ZC3H4: variants seen among roughly 807,000 people sequenced by gnomAD.
ZC3H4 encodes the protein zinc finger CCCH-type containing 4.
In ZC3H4, 13 loss-of-function variants were observed where a neutral mutation model predicts 108.3. The ratio of observed to expected loss-of-function variants is 0.12; its 90% CI spans 0.08 to 0.19. ZC3H4 has a LOEUF of 0.19. Among genes scored for constraint, ZC3H4 ranks in the 10% least tolerant of loss-of-function variants. The probability of loss-of-function intolerance (pLI) is 1.00; values close to 1 mark genes in which losing one functional copy is unlikely to be tolerated. For missense variants in ZC3H4, 1,734 were observed against 1,838.8 expected (o/e 0.94, Z 1.04); for synonymous variants, 917 against 749.6 (o/e 1.22, Z -3.65).
chr19:47,099,129 C>A (rs1192529085), intron 2 of ZC3H4, among the ~76,000 whole-genome samples: 1 of 152,188 alleles, frequency 6.6e-6, no homozygotes, highest in Admixed American at 6.6e-5. Flanking sequence ...CCCTAACTGG[C>A]TGGAATGCTA....
Position 47,067,959 on chromosome 19 carries a change from C to T in ZC3H4, c.2399-90G>A, listed in dbSNP as rs2057249463. 2 of 1,291,996 alleles carry T rather than the reference C, an allele frequency of 1.5e-6. No individual in the cohort carries two copies. The highest frequency in any genetic ancestry group is 1.1e-6 in the Non-Finnish European group (1 of 933,352). 80.0% of individuals were successfully genotyped at this position (1,291,996 alleles called of 1,614,324 possible). On this transcript the variant is annotated intron_variant, in intron 14 of 14. Coordinates refer to ENST00000253048, the MANE Select transcript of ZC3H4 (RefSeq NM_015168.2). This position sits in a 1 kb window ranked among gnomAD's most constrained non-coding sequence, Gnocchi z 6.4. Reference sequence around the variant, plus strand: ...CCACAGCAGCCCACCGTGAGCAGCTCCTTTGCTTGTGCCTCTCAGAACCTC... The same window carrying T: ...CCACAGCAGCCCACCGTGAGCAGCTTCTTTGCTTGTGCCTCTCAGAACCTC...
chr19:47,106,024 CCT>C (rs2057963952), intron 2 of ZC3H4, among the ~76,000 whole-genome samples: 1 of 152,190 alleles, frequency 6.6e-6, no homozygotes, highest in African/African-American at 2.4e-5. Context: ...AGTGACTTCA[CCT>C]CTCTGTTTTG....
In ZC3H4 at chr19:47,072,137, G is replaced by A. The variant is rs1408453042; in HGVS notation, c.1803-16C>T. The A allele has an allele frequency of 2.0e-6, 3 of 1,510,442 alleles. No homozygotes were observed. The highest frequency in any genetic ancestry group is 2.4e-5 in the East Asian group (1 of 42,106). The allele number at this position is 1,510,442 out of a possible 1,614,324, so 93.6% of individuals were successfully genotyped here. On this transcript the variant is annotated splice_polypyrimidine_tract_variant and intron_variant, in intron 12 of 14. Coordinates refer to ENST00000253048, the MANE Select transcript of ZC3H4 (RefSeq NM_015168.2). The surrounding 1 kb of genome is among the most constrained non-coding windows in gnomAD (Gnocchi z 5.6). ...TCCAGGGAACCTAGAAGAGGGAAAA[G>A]GTGCCTGTGACGGAAGCTGCCGAGG...
intron 2 of ZC3H4, among the ~76,000 whole-genome samples, chr19:47,097,388 C>T (rs1327444891): frequency 1.3e-5 from 2 of 152,228 alleles, no homozygotes; most frequent in East Asian, 3.8e-4. Context: ...ACTGCATTCT[C>T]AGGGCCCTCT....
intron 2 of ZC3H4, among the ~76,000 whole-genome samples, chr19:47,095,709 C>G (rs770683775): frequency 3.9e-5 from 6 of 152,088 alleles, no homozygotes; most frequent in South Asian, 4.1e-4. Flanking sequence ...GTTTTTGAGC[C>G]AAACCCACAG....
Position 47,071,988 on chromosome 19 carries a change from C to A in ZC3H4, c.1936G>T (p.Ala646Ser), listed in dbSNP as rs381976. 1.3e-6 allele frequency: 2 copies of A among 1,579,164 alleles called. No homozygotes were observed. Among genetic ancestry groups the A allele is most frequent in the African/African-American group, 1.3e-5 (1 of 74,488 alleles). ...ATCGGCATGTCTGCGTGCATGTCTG[C>A]GTGCATGTCAGGGTGCATGTCCGGG... The part of the protein sequence containing the change: ...MHPDMHPDMH[A>S]DMHADMPMGP... The change falls in exon 13 of 15, where the codon GCA becomes TCA. Residue 646 changes from alanine to serine, a missense_variant. This residue lies in a region of ZC3H4 where 540 missense variants were observed against 484.1 expected (regional missense o/e 1.12). Transcript: ENST00000253048.
chr19:47,068,072 A>T (rs1007581139), intron 14 of ZC3H4, among the ~76,000 whole-genome samples: 2 of 152,284 alleles, frequency 1.3e-5, no homozygotes, highest in East Asian at 1.9e-4. Flanking sequence ...CATGCTCCCC[A>T]GCTCTCCTCA....
intron 2 of ZC3H4, among the ~76,000 whole-genome samples, chr19:47,099,836 A>T: frequency 6.6e-6 from 1 of 150,666 alleles, no homozygotes; most frequent in Admixed American, 6.6e-5. Context: ...AAAAAAAAAA[A>T]AAAAAAAAGG....
rs1172465937 is a variant in ZC3H4, at chr19:47,090,037, C to T, written c.645G>A (p.Glu215=). 1 of 1,614,212 alleles carries T rather than the reference C, an allele frequency of 6.2e-7. No individual in the cohort carries two copies. Among genetic ancestry groups the T allele is most frequent in the Non-Finnish European group, 8.5e-7 (1 of 1,180,026 alleles). The change falls in exon 5 of 15, where the codon GAG becomes GAA. Residue 215 remains glutamate (E), a synonymous_variant. Coordinates refer to ENST00000253048, the MANE Select transcript of ZC3H4 (RefSeq NM_015168.2). ...EGDEEEDMGK[E]DYDDFTKELN... is the part of the protein sequence containing the mutation. ...GCTCTTTGGTGAAGTCGTCATAGTCCTCCTTGCCCATGTCCTCCTCCTCGT... is the reference window on the plus strand; with the variant it reads ...GCTCTTTGGTGAAGTCGTCATAGTCTTCCTTGCCCATGTCCTCCTCCTCGT...
Position 47,069,270 on chromosome 19 carries a change from G to T in ZC3H4, c.2220C>A (p.Pro740=), listed in dbSNP as rs377220591. The change falls in exon 14 of 15, where the codon CCC becomes CCA. Residue 740 remains proline, a synonymous_variant. Transcript: ENST00000253048. ...EHLFPEHPLE[P]DSFSEGGPPG... is the part of the protein sequence containing the mutation. The stretch of plus-strand genomic sequence containing the variant: ...GGGGCCCTCCCTCAGAGAAGCTGTC[G>T]GGCTCCAGAGGGTGCTCAGGGAAGA... The T allele has an allele frequency of 6.2e-7, 1 of 1,613,842 alleles. No homozygotes were observed. The highest frequency in any genetic ancestry group is 2.2e-5 in the East Asian group (1 of 44,852).
At chr19:47,102,856 T>C (rs1039396463) in intron 2 of ZC3H4, among the ~76,000 whole-genome samples, 2 of 151,502 alleles carry the variant, frequency 1.3e-5, no homozygotes, top group Non-Finnish European at 2.9e-5. Flanking sequence ...AGTCCCCTAA[T>C]ATGAAACGAA....
chr19:47,111,809 G>C (rs1387354377), intron 2 of ZC3H4, among the ~76,000 whole-genome samples: 2 of 151,900 alleles, frequency 1.3e-5, no homozygotes. Flanking sequence ...GAAGGGACCT[G>C]AATGAACCCC....
At chr19:47,071,582 A>G (rs988046987) in intron 13 of ZC3H4, among the ~76,000 whole-genome samples, 196 bp downstream of exon 13, 4 of 152,146 alleles carry the variant, frequency 2.6e-5, no homozygotes, top group Non-Finnish European at 5.9e-5. Flanking sequence ...CTATATTGGT[A>G]ATACACAGAA....
intron 2 of ZC3H4, 109 bp downstream of exon 2, chr19:47,112,315 T>C: frequency 2.6e-6 from 3 of 1,135,512 alleles, no homozygotes; most frequent in Non-Finnish European, 3.3e-6. Flanking sequence ...CTCCTCCTCC[T>C]CCTCCTCCTC....
intron 11 of ZC3H4, among the ~76,000 whole-genome samples, chr19:47,074,858 G>A (rs2057391282): frequency 6.6e-6 from 1 of 152,186 alleles, no homozygotes; most frequent in Admixed American, 6.5e-5. Context: ...GCGCCCTCAT[G>A]TACTCATTCC....
At chr19:47,096,664 C>T (rs1378175389) in intron 2 of ZC3H4, 1 of 363,594 alleles carries the variant, frequency 2.8e-6, no homozygotes, top group Non-Finnish European at 3.8e-6. Flanking sequence ...GGTATACATG[C>T]TGGGGTTCCA....
intron 2 of ZC3H4, among the ~76,000 whole-genome samples, chr19:47,105,392 C>T (rs1216210545): frequency 6.6e-6 from 1 of 152,084 alleles, no homozygotes; most frequent in African/African-American, 2.4e-5. Context: ...CTCGAGGTCA[C>T]GAGTTCAAGA....
intron 3 of ZC3H4, 116 bp downstream of exon 3, chr19:47,094,273 A>C (rs762739571): frequency 1.4e-5 from 17 of 1,231,848 alleles, no homozygotes; most frequent in Non-Finnish European, 1.6e-5. Flanking sequence ...ATCCAATTTG[A>C]GATAAGCAAA....
At chr19:47,090,223 G>A (rs368286887) in intron 4 of ZC3H4, 34 bp from the exon 5 acceptor site, 6 of 1,611,734 alleles carry the variant, frequency 3.7e-6, no homozygotes, top group Admixed American at 3.3e-5. Flanking sequence ...GAGGTGAGCC[G>A]GATCCCACAG....
Sources: gnomAD v4.1 joint callset for allele counts (sites outside exome capture counted in the v4.1 genomes callset) on GRCh38, gnomAD v4.1.1 for gene constraint, gnomAD v4.1.1 regional missense constraint, Gnocchi (gnomAD v3.1) non-coding constraint, MANE v1.5 for transcripts, NCBI Gene and HGNC (gene_info 2026-07-23, HGNC 2026-07-21) for gene names.